The following ZNF644 variants were observed in gnomAD, a reference collection of about 807,000 sequenced individuals.
ZNF644 encodes the protein zinc finger protein 644.
A neutral mutation model predicts 108.0 loss-of-function variants in ZNF644; 20 were observed. That is an observed-to-expected ratio of 0.19 (90% CI 0.13 to 0.27). The LOEUF is 0.27. Among genes scored for constraint, ZNF644 ranks in the 10% least tolerant of loss-of-function variants. ZNF644 has a pLI of 1.00. For missense variants in ZNF644, 1,338 were observed against 1,548.9 expected, an observed-to-expected ratio of 0.86 and a Z score of 2.29; for synonymous variants, 542 against 539.1, an observed-to-expected ratio of 1.01 and a Z score of -0.08.
At chr1:90,936,467 C>T (rs1246140193) in intron 4 of ZNF644, among the ~76,000 whole-genome samples, 1 of 152,172 alleles carries the variant, frequency 6.6e-6, no homozygotes, top group Non-Finnish European at 1.5e-5. Flanking sequence ...TTCCAGACCA[C>T]TTACAATACA....
At chr1:90,979,628 T>G (rs1188901858) in intron 2 of ZNF644, among the ~76,000 whole-genome samples, 2 of 152,188 alleles carry the variant, frequency 1.3e-5, no homozygotes, top group African/African-American at 4.8e-5. Flanking sequence ...TACAATTTCT[T>G]CCTCCATCCT....
intron 1 of ZNF644, among the ~76,000 whole-genome samples, chr1:90,989,477 A>T (rs1335194535): frequency 6.6e-6 from 1 of 152,196 alleles, no homozygotes; most frequent in African/African-American, 2.4e-5. Flanking sequence ...TGGAAGGTCA[A>T]AGCTGGAGTG....
chr1:90,956,962 T>TG lies in ZNF644; in HGVS notation c.45-15654dup, dbSNP rs1226582245. Among the ~76,000 whole-genome samples, 4 of 151,936 alleles carry TG rather than the reference T, an allele frequency of 2.6e-5. No homozygotes were observed. In the East Asian group the frequency reaches 7.7e-4, roughly 29 times the overall value. ...ACAAGTGAAAAATCAGGAATAGAAG[T>TG]GGGGGAACACTGGTACCAACCTTAA... is the stretch of plus-strand genomic sequence containing the variant. On this transcript the variant is annotated intron_variant, in intron 2 of 5. Coordinates refer to ENST00000337393, the MANE Select transcript of ZNF644 (RefSeq NM_201269.3).
intron 2 of ZNF644, among the ~76,000 whole-genome samples, chr1:90,960,323 G>A (rs1654203039): frequency 6.6e-6 from 1 of 152,152 alleles, no homozygotes; most frequent in South Asian, 2.1e-4. Context: ...TGCACCTCAA[G>A]CTGCAAAAGT....
At chr1:91,000,198 T>C (rs6661595) in intron 1 of ZNF644, among the ~76,000 whole-genome samples, 51,297 of 152,046 alleles carry the variant, frequency 0.34, 9,889 homozygotes, top group Non-Finnish European at 0.44. Flanking sequence ...CTAACAGACA[T>C]CTACAGAACT....
chr1:90,993,660 A>G (rs1657858674), intron 1 of ZNF644, among the ~76,000 whole-genome samples: 1 of 152,198 alleles, frequency 6.6e-6, no homozygotes, highest in Non-Finnish European at 1.5e-5. Flanking sequence ...AAAAAGGAAC[A>G]AATCTATTTC....
chr1:91,016,733 TTGTAAAG>T (rs1660468599), intron 1 of ZNF644, among the ~76,000 whole-genome samples: 1 of 152,236 alleles, frequency 6.6e-6, no homozygotes, highest in African/African-American at 2.4e-5. Context: ...TAAACATGCT[TTGTAAAG>T]TGTAAAGAAT....
intron 2 of ZNF644, among the ~76,000 whole-genome samples, chr1:90,943,938 CA>C (rs1367118670): frequency 6.6e-6 from 1 of 152,192 alleles, no homozygotes; most frequent in Non-Finnish European, 1.5e-5. Context: ...AAACGAACGA[CA>C]AAAAACTAGC....
At chr1:90,967,796 C>T (rs1480570042) in intron 2 of ZNF644, among the ~76,000 whole-genome samples, 6 of 151,546 alleles carry the variant, frequency 4.0e-5, no homozygotes. Context: ...GCCTGTAATC[C>T]CAGCACTTTG....
Position 90,938,341 on chromosome 1 carries a change from C to T in ZNF644, c.3013G>A (p.Ala1005Thr), listed in dbSNP as rs1272634545. 6.2e-7 allele frequency: 1 copy of T among 1,613,946 alleles called. No homozygotes were observed. The highest frequency in any genetic ancestry group is 2.2e-5 in the East Asian group (1 of 44,870). Reference protein sequence around the residue: ...ARHVVSPEQIATSDKMQHFKR... With the variant: ...ARHVVSPEQITTSDKMQHFKR... ...AAATGCTGCATTTTGTCACTTGTGG[C>T]TATTTGTTCTGGTGATACAACATGA... is the stretch of plus-strand genomic sequence containing the variant. Residue 1005 changes from alanine (A) to threonine (T), a missense_variant, in exon 3 of 6, where the codon GCC (alanine) becomes ACC (threonine). Around this residue, in one of 6 missense-constraint regions of ZNF644, gnomAD observed 287 missense variants for 310.9 expected, o/e 0.92. Coordinates refer to ENST00000337393, the MANE Select transcript of ZNF644 (RefSeq NM_201269.3). This position sits in a 1 kb window ranked among gnomAD's most constrained non-coding sequence, Gnocchi z 4.2.
intron 4 of ZNF644, among the ~76,000 whole-genome samples, chr1:90,918,747 C>T (rs999506944): frequency 7.2e-5 from 11 of 151,990 alleles, no homozygotes; most frequent in Non-Finnish European, 1.5e-4. Flanking sequence ...GCTGGCCCTA[C>T]ATTTGAAAGG....
intron 4 of ZNF644, among the ~76,000 whole-genome samples, chr1:90,923,597 T>C (rs530995069): frequency 5.3e-5 from 8 of 152,310 alleles, no homozygotes; most frequent in African/African-American, 1.7e-4. Flanking sequence ...CTTGATATTT[T>C]CACTCTAAAA....
intron 2 of ZNF644, among the ~76,000 whole-genome samples, chr1:90,950,287 A>G (rs112904027): frequency 0.28 from 577 of 2,090 alleles, 37 homozygotes; most frequent in Middle Eastern, 1. Flanking sequence ...AAGGGAAGGG[A>G]AGGGAAGGGG....
rs10922938 is a variant in ZNF644 at position 90,938,973 on chromosome 1, G to C, written c.2381C>G (p.Ala794Gly). The C allele has an allele frequency of 6.2e-7, 1 of 1,613,902 alleles. No individual in the cohort carries two copies. Among genetic ancestry groups the C allele is most frequent in the Non-Finnish European group, 8.5e-7 (1 of 1,179,914 alleles). ...ATCTTTGAAGCTTTCAGGCCTTTTG[G>C]CGTCAGGCTTATGAGGGTCTGAAAT... ...NFISDPHKPDAKRPESFKDHR... is the reference protein window; with the variant it reads ...NFISDPHKPDGKRPESFKDHR... Residue 794 changes from alanine (A) to glycine (G), a missense_variant, in exon 3 of 6, where the codon GCC becomes GGC. This residue lies in a region of ZNF644 where 462 missense variants were observed against 472.6 expected (regional missense o/e 0.98). Coordinates refer to ENST00000337393, the MANE Select transcript of ZNF644 (RefSeq NM_201269.3). This position sits in a 1 kb window ranked among gnomAD's most constrained non-coding sequence, Gnocchi z 4.2.
At chr1:90,958,279 T>TA (rs535736954) in intron 2 of ZNF644, among the ~76,000 whole-genome samples, 1 of 101,196 alleles carries the variant, frequency 9.9e-6, no homozygotes, top group Non-Finnish European at 2.2e-5. Context: ...ACCAAGAAAG[T>TA]AAAAGACTTG....
chr1:90,918,392 T>C, intron 4 of ZNF644: 1 of 473,556 alleles, frequency 2.1e-6, no homozygotes, highest in Non-Finnish European at 3.8e-6. Flanking sequence ...CTTCCTATAC[T>C]GCCTTTTCAA....
At chr1:90,935,610 AC>A in intron 4 of ZNF644, 4 of 937,874 alleles carry the variant, frequency 4.3e-6, no homozygotes, top group Non-Finnish European at 5.1e-6. Flanking sequence ...GTAGAAAAGC[AC>A]CACAATAAAG....
rs1248128522 is a variant in ZNF644, at chr1:91,013,449, TCTCACACACA to T, written c.-18+8531_-18+8540del. Among the ~76,000 whole-genome samples the T allele has an allele frequency of 2.1e-3, 200 of 96,374 alleles. 1 individual carries two copies. Among genetic ancestry groups the T allele is most frequent in the East Asian group, 0.012 (53 of 4,494 alleles). The allele number at this position is 96,374 out of a possible 152,430, so 63.2% of individuals were successfully genotyped here. A position where few individuals can be genotyped will look rare whatever the true frequency, so the allele number is the denominator to read the frequency against. On this transcript the variant is annotated intron_variant, in intron 1 of 5. Coordinates refer to ENST00000337393, the MANE Select transcript of ZNF644 (RefSeq NM_201269.3). ...CTCCAATATATATTTCCAATCTCTCTCTCACACACACACACACACACACACACACACACAT... is the reference window on the plus strand; with the variant it reads ...CTCCAATATATATTTCCAATCTCTCTCACACACACACACACACACACACAT...
At chr1:90,986,290 T>G (rs1657085253) in intron 1 of ZNF644, among the ~76,000 whole-genome samples, 1 of 151,482 alleles carries the variant, frequency 6.6e-6, no homozygotes, top group African/African-American at 2.4e-5. Context: ...CTGACCAATA[T>G]TCCTCAAAAC....
Sources: allele counts gnomAD v4.1 joint callset (sites outside exome capture counted in the v4.1 genomes callset), GRCh38; gene constraint gnomAD v4.1.1; regional missense constraint gnomAD v4.1.1; non-coding constraint Gnocchi (gnomAD v3.1); transcripts MANE v1.5; gene names NCBI Gene and HGNC (gene_info 2026-07-23, HGNC 2026-07-21).